The following MAST1 variants were observed in gnomAD, a reference collection of about 807,000 sequenced individuals.
MAST1 encodes the protein microtubule-associated serine/threonine-protein kinase 1.
Under a neutral mutation model 124.6 loss-of-function variants are expected in MAST1, and 40 were observed. That is an observed-to-expected ratio of 0.32 (90% confidence interval 0.25 to 0.42). MAST1 has a LOEUF of 0.42. MAST1 is among the 10% of genes least tolerant of loss of function. The probability of loss-of-function intolerance (pLI) is 1.00; values close to 1 mark genes in which losing one functional copy is unlikely to be tolerated. For missense variants in MAST1, 1,558 were observed against 2,181.9 expected (o/e 0.71, Z 5.70); for synonymous variants, 938 against 939.4 (o/e 1.00, Z 0.03).
intron 10 of MAST1, among the ~76,000 whole-genome samples, chr19:12,853,607 CATGTA>C (rs1281521173): frequency 1.3e-5 from 2 of 151,394 alleles, no homozygotes; most frequent in African/African-American, 4.9e-5. Flanking sequence ...ATGGCTTATG[CATGTA>C]ATCCTAGTAC....
chr19:12,839,096 C>T (rs1036376768), intron 1 of MAST1, among the ~76,000 whole-genome samples: 4 of 151,912 alleles, frequency 2.6e-5, no homozygotes, highest in African/African-American at 4.8e-5. Flanking sequence ...GCTTGGGGCT[C>T]CCTCTTCGGG....
In MAST1 at chr19:12,857,712, C is replaced by T. The variant is rs569060671; in HGVS notation, c.1078-650C>T. Among the ~76,000 whole-genome samples, 238 of 152,250 alleles carry T rather than the reference C, an allele frequency of 1.6e-3. 1 individual carries two copies. The highest frequency in any genetic ancestry group is 5.6e-3 in the Admixed American group (85 of 15,284). On this transcript the variant is annotated intron_variant, in intron 10 of 25. Transcript: ENST00000251472. ...CAGGCGTGAGCCACCGCTCCAGGCC[C>T]GAATCTTTTAGTATGTTTAAGAGCT... is the stretch of plus-strand genomic sequence containing the variant.
intron 7 of MAST1, chr19:12,848,982 A>T (rs1284600337): frequency 6.6e-6 from 1 of 152,236 alleles, no homozygotes; most frequent in African/African-American, 2.4e-5. Flanking sequence ...TAAATGAAAT[A>T]AAATAAAATA....
At chr19:12,870,477 C>G (rs11672390) in intron 22 of MAST1, among the ~76,000 whole-genome samples, 2 of 133,072 alleles carry the variant, frequency 1.5e-5, no homozygotes, top group East Asian at 2.2e-4. Flanking sequence ...GGTGACAGAG[C>G]GAGAGACTCC....
intron 1 of MAST1, among the ~76,000 whole-genome samples, chr19:12,839,627 A>C (rs1969802583): frequency 6.6e-6 from 1 of 152,226 alleles, no homozygotes; most frequent in Non-Finnish European, 1.5e-5. Flanking sequence ...CAAGATGTTA[A>C]ATTCACACAA....
chr19:12,840,391 A>T, intron 1 of MAST1, 55 bp from the exon 2 acceptor site: 1 of 1,167,316 alleles, frequency 8.6e-7, no homozygotes, highest in Non-Finnish European at 1.3e-6. Context: ...GGTGGGGCTC[A>T]AGAACTCACT....
chr19:12,861,915 C>G (rs1323046895), intron 12 of MAST1, among the ~76,000 whole-genome samples: 1 of 151,410 alleles, frequency 6.6e-6, no homozygotes, highest in African/African-American at 2.4e-5. Flanking sequence ...GTTGGTCAGG[C>G]TGGTCTCAAA....
At chr19:12,859,070 T>G (rs1210299526) in intron 12 of MAST1, 1 of 380,246 alleles carries the variant, frequency 2.6e-6, no homozygotes, top group Non-Finnish European at 4.7e-6. Flanking sequence ...TTTATTTATT[T>G]ATTCATTTAT....
rs1317263599 is a variant in MAST1 at position 12,874,252 on chromosome 19, C to A, written c.4095C>A (p.Gly1365=). The change falls in exon 26 of 26, where the codon GGC becomes GGA. Residue 1365 remains glycine, a synonymous_variant. Coordinates refer to ENST00000251472, the MANE Select transcript of MAST1 (RefSeq NM_014975.3). The surrounding 1 kb of genome is among the most constrained non-coding windows in gnomAD (Gnocchi z 6.6). ...GCAAGGAGAAGGAATCCCCGGGGGG[C>A]GCCGAGGCGTGCACCCCACCCCGCG... is the stretch of plus-strand genomic sequence containing the variant. ...VSSKEKESPG[G]AEACTPPRAT... The A allele has an allele frequency of 2.6e-6, 4 of 1,565,804 alleles. No homozygotes were observed. Among genetic ancestry groups the A allele is most frequent in the Non-Finnish European group, 3.4e-6 (4 of 1,160,138 alleles).
chr19:12,851,521 G>C (rs1329801958), intron 7 of MAST1, among the ~76,000 whole-genome samples: 9 of 150,300 alleles, frequency 6.0e-5, no homozygotes, highest in South Asian at 2.1e-4. Flanking sequence ...GAGTCTCGCT[G>C]TGTCACCCAG....
At chr19:12,851,243 C>T (rs1355632187) in intron 7 of MAST1, among the ~76,000 whole-genome samples, 38 of 149,994 alleles carry the variant, frequency 2.5e-4, no homozygotes, top group Admixed American at 6.7e-5. Context: ...CCACTGTGCC[C>T]GGCCTCTTTT....
At chr19:12,858,792 G>C in intron 12 of MAST1, 53 bp downstream of exon 12, 1 of 1,596,374 alleles carries the variant, frequency 6.3e-7, no homozygotes, top group Non-Finnish European at 8.6e-7. Context: ...CACTGGTCAG[G>C]GCTGCGGGGT....
Position 12,866,694 on chromosome 19 carries a change from G to A in MAST1, c.2071G>A (p.Asp691Asn). The A allele has an allele frequency of 6.2e-7, 1 of 1,613,990 alleles. No individual in the cohort carries two copies. The change falls in exon 18 of 26, where the codon GAT (aspartate) becomes AAT (asparagine). Residue 691 changes from aspartate (D) to asparagine (N), a missense_variant. Physicochemically the swap from Asp to Asn is conservative, Grantham distance 23. Around this residue, in one of 10 missense-constraint regions of MAST1, gnomAD observed 287 missense variants for 308.0 expected, o/e 0.93. Transcript: ENST00000251472. This position sits in a 1 kb window ranked among gnomAD's most constrained non-coding sequence, Gnocchi z 5.2. ...RYHHVNSYDE[D>N]DTTEEEPVEI... ...TCACCACGTGAACTCCTATGACGAG[G>A]ATGACACGACGGAGGAGGAGCCCGT...
chr19:12,841,165 G>A lies in MAST1; in HGVS notation c.248+99G>A. 1 of 682,568 alleles carries A rather than the reference G, an allele frequency of 1.5e-6. No individual in the cohort carries two copies. Among genetic ancestry groups the A allele is most frequent in the Non-Finnish European group, 2.7e-6 (1 of 375,834 alleles). The allele number at this position is 682,568 out of a possible 1,614,324, so 42.3% of individuals were successfully genotyped here. A position where few individuals can be genotyped will look rare whatever the true frequency, so the allele number is the denominator to read the frequency against. On this transcript the variant is annotated intron_variant, in intron 3 of 25. Transcript: ENST00000251472. This position sits in a 1 kb window ranked among gnomAD's most constrained non-coding sequence, Gnocchi z 4.3. Reference sequence around the variant, plus strand: ...TCTCCTCCTAATTGCACCCGAGCTGGGGCCTGAGGGGACCAGCGAGTGCCC... The same window carrying A: ...TCTCCTCCTAATTGCACCCGAGCTGAGGCCTGAGGGGACCAGCGAGTGCCC...
intron 7 of MAST1, among the ~76,000 whole-genome samples, chr19:12,851,445 G>A (rs901471482): frequency 6.7e-6 from 1 of 149,652 alleles, no homozygotes; most frequent in African/African-American, 2.5e-5. Flanking sequence ...ATTATTTGTA[G>A]AGACAGGGTC....
intron 25 of MAST1, 47 bp downstream of exon 25, chr19:12,873,558 C>T: frequency 6.3e-7 from 1 of 1,581,280 alleles, no homozygotes; most frequent in Non-Finnish European, 8.6e-7. Context: ...GCGGGGTGGC[C>T]TGGCTGGTGC....
Position 12,869,110 on chromosome 19 carries a change from C to T in MAST1, c.2818C>T (p.Arg940Ter), listed in dbSNP as rs1599591057. 2.5e-6 allele frequency: 4 copies of T among 1,614,218 alleles called. No individual in the cohort carries two copies. The highest frequency in any genetic ancestry group is 3.4e-6 in the Non-Finnish European group (4 of 1,180,038). ...ACCCCTTGCTAGTCCCATGTCTCCACGATCTCTGTCCTCCAACCCATCCTC... is the reference window on the plus strand; with the variant it reads ...ACCCCTTGCTAGTCCCATGTCTCCATGATCTCTGTCCTCCAACCCATCCTC... ...SSPLASPMSPRSLSSNPSSRD... is the reference protein window; with the variant it reads ...SSPLASPMSP The change falls in exon 22 of 26, where the codon CGA becomes TGA. Residue 940 changes from arginine to a stop codon, truncating the protein, a stop_gained. Transcript: ENST00000251472. LOFTEE classifies it high-confidence loss of function.
chr19:12,873,618 C>G lies in MAST1; in HGVS notation c.3461C>G (p.Ser1154Cys). The change falls in exon 26 of 26, where the codon TCC (serine) becomes TGC (cysteine). Residue 1154 changes from serine to cysteine, a missense_variant. Ser to Cys is a moderately radical substitution (Grantham distance 112, BLOSUM62 -1). Transcript: ENST00000251472. ...TPDSAYLGAS[S>C]QSSSPASSTP... The stretch of plus-strand genomic sequence containing the variant: ...CTCCTGTCTCCCGCAGGCGCCTCAT[C>G]CCAGAGCAGCTCCCCAGCCTCGAGC... 1 of 1,587,650 alleles carries G rather than the reference C, an allele frequency of 6.3e-7. No homozygotes were observed. Among genetic ancestry groups the G allele is most frequent in the Non-Finnish European group, 8.6e-7 (1 of 1,169,498 alleles).
In MAST1 at chr19:12,845,163, G is replaced by A. The variant is rs925222597; in HGVS notation, c.327+1556G>A. Among the ~76,000 whole-genome samples the A allele has an allele frequency of 7.2e-5, 11 of 152,042 alleles. No homozygotes were observed. The South Asian group carries it at 8.3e-4, about 11-fold the overall frequency. On this transcript the variant is annotated intron_variant, in intron 4 of 25. Coordinates refer to ENST00000251472, the MANE Select transcript of MAST1 (RefSeq NM_014975.3). ...GTAAAAATACAAAAATGAGCCAGGC[G>A]TGGTCATGGATGCCTGTAATCCCAG...
Sources: allele counts gnomAD v4.1 joint callset (sites outside exome capture counted in the v4.1 genomes callset), GRCh38; gene constraint gnomAD v4.1.1; regional missense constraint gnomAD v4.1.1; non-coding constraint Gnocchi (gnomAD v3.1); transcripts MANE v1.5; gene names NCBI Gene and HGNC (gene_info 2026-07-23, HGNC 2026-07-21).